Variants in HS3ST4 observed in about 807,000 individuals in gnomAD.
HS3ST4 encodes heparan sulfate glucosamine 3-O-sulfotransferase 4.
In HS3ST4, 17 loss-of-function variants were observed where a neutral mutation model predicts 29.2. The ratio of observed to expected loss-of-function variants is 0.58; its 90% CI spans 0.40 to 0.87. The LOEUF (loss-of-function observed/expected upper bound fraction) is 0.87. HS3ST4 is among the 40% of genes least tolerant of loss of function. HS3ST4 has a pLI of 0.00. For missense variants in HS3ST4, 627 were observed against 634.5 expected (o/e 0.99, Z 0.13); for synonymous variants, 314 against 285.7 (o/e 1.10, Z -1.00).
At position 26,128,644 on chromosome 16, in the gene HS3ST4, T is replaced by C. The variant is rs188499851; in HGVS notation, c.735-6968T>C. 6.0e-4 allele frequency among the ~76,000 whole-genome samples: 92 copies of C among 152,324 alleles called. 2 individuals are homozygous for C. In the East Asian group the frequency reaches 0.015, roughly 26 times the overall value. On this transcript the variant is annotated intron_variant, in intron 1 of 1. Transcript: ENST00000331351. ...TTTGGTTTGAAAAACACAATGAACT[T>C]TCCAGCATAACTGGGCAGGGCAAGG... is the stretch of plus-strand genomic sequence containing the variant.
At chr16:25,765,917 A>G (rs956351170) in intron 1 of HS3ST4, among the ~76,000 whole-genome samples, 6 of 152,108 alleles carry the variant, frequency 3.9e-5, no homozygotes, top group African/African-American at 1.4e-4. Flanking sequence ...TCTCTAGTCA[A>G]GGGAGAGGGC....
Position 26,119,797 on chromosome 16 carries a change from G to T in HS3ST4, c.735-15815G>T, listed in dbSNP as rs545245233. On this transcript the variant is annotated intron_variant, in intron 1 of 1. Transcript: ENST00000331351. ...GCATGCTGGGAGCACACAAACTATA[G>T]AAAAGTGCAAAATCATCTCCCTTCT... 1.2e-4 allele frequency among the ~76,000 whole-genome samples: 19 copies of T among 152,198 alleles called. No homozygotes were observed. In the South Asian group the frequency reaches 2.3e-3, roughly 18 times the overall value.
chr16:26,131,177 C>T (rs966688871), intron 1 of HS3ST4, among the ~76,000 whole-genome samples: 1 of 152,176 alleles, frequency 6.6e-6, no homozygotes, highest in African/African-American at 2.4e-5. Flanking sequence ...TACACCCAGG[C>T]CCCCCACCAT....
intron 1 of HS3ST4, among the ~76,000 whole-genome samples, chr16:26,057,266 C>T (rs903202199): frequency 5.3e-5 from 8 of 152,146 alleles, no homozygotes; most frequent in African/African-American, 1.7e-4. Flanking sequence ...GTAACTTATC[C>T]AAGCTTATCC....
chr16:25,708,607 T>C (rs761397737), intron 1 of HS3ST4, among the ~76,000 whole-genome samples: 2 of 152,230 alleles, frequency 1.3e-5, no homozygotes, highest in Non-Finnish European at 2.9e-5. Context: ...ATATGCCATA[T>C]ATTAAATTGC....
At chr16:25,908,356 G>A (rs1968200143) in intron 1 of HS3ST4, among the ~76,000 whole-genome samples, 1 of 152,184 alleles carries the variant, frequency 6.6e-6, no homozygotes. Context: ...TGGTGTTGAA[G>A]GTGGGGAGCA....
intron 1 of HS3ST4, among the ~76,000 whole-genome samples, chr16:26,116,459 G>A (rs554363173): frequency 6.6e-6 from 1 of 152,176 alleles, no homozygotes; most frequent in Non-Finnish European, 1.5e-5. Flanking sequence ...AGTCATATTA[G>A]AGTCTGTCTC....
At chr16:25,699,780 A>G (rs1410493308) in intron 1 of HS3ST4, among the ~76,000 whole-genome samples, 1 of 152,230 alleles carries the variant, frequency 6.6e-6, no homozygotes, top group Non-Finnish European at 1.5e-5. Flanking sequence ...AATCTATTGG[A>G]CAAATTACTT....
intron 1 of HS3ST4, among the ~76,000 whole-genome samples, chr16:26,023,148 A>T (rs1201235516): frequency 6.6e-6 from 1 of 151,924 alleles, no homozygotes; most frequent in African/African-American, 2.4e-5. Context: ...GCATTTTTTC[A>T]TGTTTTTAAA....
chr16:25,892,819 C>T (rs1275990755), intron 1 of HS3ST4, among the ~76,000 whole-genome samples: 1 of 152,064 alleles, frequency 6.6e-6, no homozygotes, highest in Non-Finnish European at 1.5e-5. Flanking sequence ...GTAGGGGCCC[C>T]TATGCACTGG....
At chr16:25,857,533 G>C (rs984859377) in intron 1 of HS3ST4, among the ~76,000 whole-genome samples, 4 of 152,142 alleles carry the variant, frequency 2.6e-5, no homozygotes, top group Non-Finnish European at 5.9e-5. Context: ...GTCCCTAAGT[G>C]AGACGAGGCT....
chr16:26,059,069 T>C (rs1271503515), intron 1 of HS3ST4, among the ~76,000 whole-genome samples: 2 of 152,046 alleles, frequency 1.3e-5, no homozygotes, highest in Non-Finnish European at 2.9e-5. Flanking sequence ...GTTCAAGTTG[T>C]GATCAAGCAG....
At chr16:25,877,773 T>C (rs1264447956) in intron 1 of HS3ST4, among the ~76,000 whole-genome samples, 2 of 152,198 alleles carry the variant, frequency 1.3e-5, no homozygotes, top group South Asian at 2.1e-4. Flanking sequence ...ACAGATACCA[T>C]GATGATTCTT....
intron 1 of HS3ST4, among the ~76,000 whole-genome samples, chr16:26,122,193 A>G (rs1899285257): frequency 6.6e-6 from 1 of 152,004 alleles, no homozygotes; most frequent in Non-Finnish European, 1.5e-5. Context: ...AAAAAAAAAA[A>G]AAATCACATA....
intron 1 of HS3ST4, among the ~76,000 whole-genome samples, chr16:26,063,331 C>G (rs1256126462): frequency 6.6e-6 from 1 of 152,130 alleles, no homozygotes; most frequent in African/African-American, 2.4e-5. Flanking sequence ...TGTCTGTACC[C>G]TGCTGTCCTA....
At chr16:25,901,964 C>T (rs913188036) in intron 1 of HS3ST4, among the ~76,000 whole-genome samples, 1 of 152,200 alleles carries the variant, frequency 6.6e-6, no homozygotes, top group African/African-American at 2.4e-5. Context: ...TGTATCTTAT[C>T]ATATGTCTGT....
chr16:25,772,371 T>A (rs1260896214), intron 1 of HS3ST4, among the ~76,000 whole-genome samples: 1 of 152,248 alleles, frequency 6.6e-6, no homozygotes, highest in Non-Finnish European at 1.5e-5. Flanking sequence ...GCTATGGTTA[T>A]GTTTTGGAGT....
chr16:25,709,899 T>A (rs1190044635), intron 1 of HS3ST4, among the ~76,000 whole-genome samples: 2 of 152,298 alleles, frequency 1.3e-5, no homozygotes, highest in South Asian at 2.1e-4. Flanking sequence ...AAAGGAATTG[T>A]GTATCTTACA....
chr16:26,022,911 G>A lies in HS3ST4; in HGVS notation c.735-112701G>A, dbSNP rs553912171. On this transcript the variant is annotated intron_variant, in intron 1 of 1. Transcript: ENST00000331351. The stretch of plus-strand genomic sequence containing the variant: ...GCCAGGCTTAGCTGGGTGTGGTGGC[G>A]CATGCCTGTAATCCCAGCTACTGGG... Among the ~76,000 whole-genome samples the A allele has an allele frequency of 5.9e-5, 9 of 152,144 alleles. 1 individual carries two copies. Among genetic ancestry groups the A allele is most frequent in the Admixed American group, 5.2e-4 (8 of 15,288 alleles).
Sources: gnomAD v4.1 joint callset for allele counts (sites outside exome capture counted in the v4.1 genomes callset) on GRCh38, gnomAD v4.1.1 for gene constraint, MANE v1.5 for transcripts, NCBI Gene and HGNC (gene_info 2026-07-23, HGNC 2026-07-21) for gene names.